Variants in ACE observed in about 807,000 individuals in gnomAD.
ACE encodes the protein angiotensin I converting enzyme.
In ACE, 122 loss-of-function variants were observed where a neutral mutation model predicts 162.3. That is an observed-to-expected ratio of 0.75 (90% CI 0.65 to 0.87). The LOEUF (loss-of-function observed/expected upper bound fraction) is 0.87. ACE is among the 40% of genes least tolerant of loss of function. ACE has a pLI of 0.00. For synonymous variants in ACE, 796 were observed against 720.6 expected (o/e 1.10, Z -1.68); for missense variants, 1,799 against 1,735.1 (o/e 1.04, Z -0.65).
At position 63,478,118 on chromosome 17, in the gene ACE, A is replaced by G; in HGVS notation, c.417+20A>G. On this transcript the variant is annotated intron_variant, in intron 2 of 24. Coordinates refer to ENST00000290866, the MANE Select transcript of ACE (RefSeq NM_000789.4). Reference sequence around the variant, plus strand: ...CAGCAGGTGGGCTGAGGGCTGAGGCAGAGCTCGGGGGCGGCCTCCTAGTGC... The same window carrying G: ...CAGCAGGTGGGCTGAGGGCTGAGGCGGAGCTCGGGGGCGGCCTCCTAGTGC... The G allele has an allele frequency of 4.5e-6, 7 of 1,565,060 alleles. No homozygotes were observed. Among genetic ancestry groups the G allele is most frequent in the Non-Finnish European group, 6.1e-6 (7 of 1,155,066 alleles).
chr17:63,497,720 A>C lies in ACE; in HGVS notation c.*354A>C. On this transcript the variant is annotated 3_prime_UTR_variant, in exon 25 of 25. Coordinates refer to ENST00000290866, the MANE Select transcript of ACE (RefSeq NM_000789.4). Reference sequence around the variant, plus strand: ...GTCCCGTTACTAGGTTTGTTCCTCCATCCTCCTTCAGGAGCCGGGGAGGAT... The same window carrying C: ...GTCCCGTTACTAGGTTTGTTCCTCCCTCCTCCTTCAGGAGCCGGGGAGGAT... 2.1e-6 allele frequency: 1 copy of C among 469,640 alleles called. No individual in the cohort carries two copies. The highest frequency in any genetic ancestry group is 4.0e-6 in the Non-Finnish European group (1 of 248,542). 29.1% of individuals were successfully genotyped at this position (469,640 alleles called of 1,614,324 possible). A position where few individuals can be genotyped will look rare whatever the true frequency, so the allele number is the denominator to read the frequency against.
At position 63,484,316 on chromosome 17, in the gene ACE, ACT is replaced by A. The variant is rs759548742; in HGVS notation, c.1710-11_1710-10del. ...TGAGTCCCCTGTGCCCATGGTACCC[ACT>A]CTGCCCACCAGGAAGGTGCTGCAGG... On this transcript the variant is annotated splice_polypyrimidine_tract_variant and intron_variant, in intron 11 of 24. Coordinates refer to ENST00000290866, the MANE Select transcript of ACE (RefSeq NM_000789.4). This position sits in a 1 kb window ranked among gnomAD's most constrained non-coding sequence, Gnocchi z 4.0. 1.9e-6 allele frequency: 3 copies of A among 1,607,222 alleles called. No homozygotes were observed. Among genetic ancestry groups the A allele is most frequent in the East Asian group, 4.5e-5 (2 of 44,742 alleles).
chr17:63,496,486 A>G lies in ACE; in HGVS notation c.3473A>G (p.Tyr1158Cys). 1 of 1,614,140 alleles carries G rather than the reference A, an allele frequency of 6.2e-7. No individual in the cohort carries two copies. The highest frequency in any genetic ancestry group is 8.5e-7 in the Non-Finnish European group (1 of 1,180,040). Residue 1158 changes from tyrosine to cysteine, a missense_variant, in exon 23 of 25, where the codon TAC becomes TGC. Tyr to Cys is a radical substitution (Grantham distance 194, BLOSUM62 -2). Coordinates refer to ENST00000290866, the MANE Select transcript of ACE (RefSeq NM_000789.4). The stretch of plus-strand genomic sequence containing the variant: ...GGCCCCCTGCACAAGTGTGACATCT[A>G]CCAGTCCAAGGAGGCCGGGCAGCGC... ...HTGPLHKCDI[Y>C]QSKEAGQRLA... is the part of the protein sequence containing the mutation.
At chr17:63,480,758 C>T (rs1314648584) in intron 5 of ACE, among the ~76,000 whole-genome samples, 2 of 152,206 alleles carry the variant, frequency 1.3e-5, no homozygotes, top group South Asian at 4.1e-4. Flanking sequence ...AGCTAGGGGC[C>T]AAACCAAAGG....
chr17:63,496,327 C>G (rs1349372551), intron 22 of ACE, 67 bp from the exon 23 acceptor site: 2 of 1,612,034 alleles, frequency 1.2e-6, no homozygotes, highest in African/African-American at 2.7e-5. Flanking sequence ...TGCAGAAGGG[C>G]CTGGGGCCCA....
chr17:63,481,833 C>A, intron 7 of ACE, 95 bp downstream of exon 7: 2 of 1,521,390 alleles, frequency 1.3e-6, no homozygotes, highest in Admixed American at 3.4e-5. Flanking sequence ...GTTCCCAGGC[C>A]TGCCTCTACC....
chr17:63,494,566 C>T (rs1215715449), intron 22 of ACE, 96 bp downstream of exon 22: 1 of 1,168,910 alleles, frequency 8.6e-7, no homozygotes, highest in Non-Finnish European at 1.3e-6. Context: ...CTCTGTCAGT[C>T]AGGGCAGACC....
chr17:63,484,340 C>T lies in ACE; in HGVS notation c.1720C>T (p.Gln574Ter). Residue 574 changes from glutamine (Q) to a stop codon, truncating the protein, a stop_gained, in exon 12 of 25, where the codon CAG (glutamine) becomes TAG (stop). Transcript: ENST00000290866. LOFTEE classifies it high-confidence loss of function. This position sits in a 1 kb window ranked among gnomAD's most constrained non-coding sequence, Gnocchi z 4.0. ...CACTCTGCCCACCAGGAAGGTGCTG[C>T]AGGCTGGCTCCTCCAGGCCCTGGCA... ...KAGAKLRKVLQAGSSRPWQEV... is the reference protein window; with the variant it reads ...KAGAKLRKVL 1.9e-6 allele frequency: 3 copies of T among 1,610,632 alleles called. No individual in the cohort carries two copies. Among genetic ancestry groups the T allele is most frequent in the Non-Finnish European group, 2.5e-6 (3 of 1,179,734 alleles).
Position 63,477,736 on chromosome 17 carries a change from T to A in ACE, c.250-195T>A, listed in dbSNP as rs1024809159. On this transcript the variant is annotated intron_variant, in intron 1 of 24. Coordinates refer to ENST00000290866, the MANE Select transcript of ACE (RefSeq NM_000789.4). ...TCTGGTCCCAATTTCTGCTCCACCATTCCCATGAGGCAGATTCCCTCCAGA... is the reference window on the plus strand; with the variant it reads ...TCTGGTCCCAATTTCTGCTCCACCAATCCCATGAGGCAGATTCCCTCCAGA... 4.3e-5 allele frequency: 28 copies of A among 658,262 alleles called. No individual in the cohort carries two copies. The African/African-American group carries it at 4.6e-4, about 11-fold the overall frequency. The allele number at this position is 658,262 out of a possible 1,614,324, so 40.8% of individuals were successfully genotyped here. A position where few individuals can be genotyped will look rare whatever the true frequency, so the allele number is the denominator to read the frequency against.
Position 63,491,813 on chromosome 17 carries a change from T to C in ACE, c.2912+432T>C, listed in dbSNP as rs576462852. ...AAGCTGCCTTCCTTGGAGGATGGCG[T>C]TTTAGTTACCTATTGCTGTGCAACC... On this transcript the variant is annotated intron_variant, in intron 19 of 24. Coordinates refer to ENST00000290866, the MANE Select transcript of ACE (RefSeq NM_000789.4). This position sits in a 1 kb window ranked among gnomAD's most constrained non-coding sequence, Gnocchi z 4.4. Among the ~76,000 whole-genome samples the C allele has an allele frequency of 3.9e-5, 6 of 152,116 alleles. No individual in the cohort carries two copies. The highest frequency in any genetic ancestry group is 8.8e-5 in the Non-Finnish European group (6 of 68,018).
At chr17:63,494,299 C>A in intron 21 of ACE, 73 bp from the exon 22 acceptor site, 1 of 1,460,666 alleles carries the variant, frequency 6.8e-7, no homozygotes, top group South Asian at 1.2e-5. Flanking sequence ...GGGACCCTCC[C>A]TCAAGTCAAA....
Position 63,493,483 on chromosome 17 carries a change from A to T in ACE, c.2960A>T (p.His987Leu). ...AACTTGGAGGACCTGGTGGTGGCCC[A>T]CCACGAAATGGGCCACATCCAGTAT... ...TVNLEDLVVA[H>L]HEMGHIQYFM... The change falls in exon 20 of 25, where the codon CAC (histidine) becomes CTC (leucine). Residue 987 changes from histidine (H) to leucine (L), a missense_variant. Transcript: ENST00000290866. 1.2e-6 allele frequency: 2 copies of T among 1,613,864 alleles called. No individual in the cohort carries two copies. The highest frequency in any genetic ancestry group is 1.7e-6 in the Non-Finnish European group (2 of 1,180,002).
chr17:63,483,577 C>CCCCCCCCCCCCCCCCCCCTT lies in ACE; in HGVS notation c.1586+19_1586+20insCCCCCCCCCCCCCCCCCCTT. 1.5e-6 allele frequency: 2 copies of CCCCCCCCCCCCCCCCCCCTT among 1,364,762 alleles called. No homozygotes were observed. The highest frequency in any genetic ancestry group is 2.0e-6 in the Non-Finnish European group (2 of 995,658). The allele number at this position is 1,364,762 out of a possible 1,614,324, so 84.5% of individuals were successfully genotyped here. Reference sequence around the variant, plus strand: ...ACATCAGGTATTAGCGCCCCCACCCCACCCACCCCCAGTACTGTCACACCC... The same window carrying CCCCCCCCCCCCCCCCCCCTT: ...ACATCAGGTATTAGCGCCCCCACCCCCCCCCCCCCCCCCCCCCCTTACCCACCCCCAGTACTGTCACACCC... On this transcript the variant is annotated intron_variant, in intron 10 of 24. Transcript: ENST00000290866.
chr17:63,496,286 G>A (rs905167690), intron 22 of ACE, 108 bp from the exon 23 acceptor site: 30 of 1,534,796 alleles, frequency 2.0e-5, no homozygotes, highest in African/African-American at 2.7e-5. Flanking sequence ...TCTGCTGTGC[G>A]CATGTGACTT....
rs1315737970 is a variant in ACE at position 63,484,205 on chromosome 17, G to T, written c.1710-125G>T. On this transcript the variant is annotated intron_variant, in intron 11 of 24. Coordinates refer to ENST00000290866, the MANE Select transcript of ACE (RefSeq NM_000789.4). The surrounding 1 kb of genome is among the most constrained non-coding windows in gnomAD (Gnocchi z 4.0). ...CATCAGAGAGATCCCAGGCCCCAGG[G>T]TCTTATTGCCACAGTTTCTGCAGTC... is the stretch of plus-strand genomic sequence containing the variant. 5 of 1,289,636 alleles carry T rather than the reference G, an allele frequency of 3.9e-6. No homozygotes were observed. The highest frequency in any genetic ancestry group is 2.0e-5 in the Admixed American group (1 of 50,354). 79.9% of individuals were successfully genotyped at this position (1,289,636 alleles called of 1,614,324 possible).
intron 6 of ACE, 147 bp downstream of exon 6, chr17:63,481,335 C>T: frequency 1.1e-6 from 1 of 920,932 alleles, no homozygotes. Context: ...GGGGTCGGCC[C>T]CCTCAGTGAG....
Position 63,491,078 on chromosome 17 carries a change from G to A in ACE, c.2739+27G>A, listed in dbSNP as rs763792961. 1.2e-6 allele frequency: 2 copies of A among 1,613,226 alleles called. No individual in the cohort carries two copies. Among genetic ancestry groups the A allele is most frequent in the Non-Finnish European group, 8.5e-7 (1 of 1,179,428 alleles). ...TCCGCACCAGCCCAGGGGCAGGGAG[G>A]CCCCGCCGGGATGGGAGGGACCCTC... is the stretch of plus-strand genomic sequence containing the variant. On this transcript the variant is annotated intron_variant, in intron 18 of 24. Coordinates refer to ENST00000290866, the MANE Select transcript of ACE (RefSeq NM_000789.4). This position sits in a 1 kb window ranked among gnomAD's most constrained non-coding sequence, Gnocchi z 4.4.
Position 63,491,278 on chromosome 17 carries a change from C to T in ACE, c.2809C>T (p.Pro937Ser). ...CACCTCCCTGGGGCTGCTGCCCGTG[C>T]CTCCTGAGTTCTGGAACAAGTCGAT... The part of the protein sequence containing the change: ...FFTSLGLLPV[P>S]PEFWNKSMLE... Residue 937 changes from proline (P) to serine (S), a missense_variant, in exon 19 of 25, where the codon CCT (proline) becomes TCT (serine). By Grantham distance (74) the Pro-to-Ser change is moderately conservative. Transcript: ENST00000290866. This position sits in a 1 kb window ranked among gnomAD's most constrained non-coding sequence, Gnocchi z 4.4. 1 of 1,614,146 alleles carries T rather than the reference C, an allele frequency of 6.2e-7. No homozygotes were observed. The highest frequency in any genetic ancestry group is 1.1e-5 in the South Asian group (1 of 91,082).
chr17:63,492,038 G>A (rs932319852), intron 19 of ACE, among the ~76,000 whole-genome samples: 3 of 152,300 alleles, frequency 2.0e-5, no homozygotes, highest in East Asian at 1.9e-4. Context: ...TGAGGTCCTC[G>A]GTTTTTCCCA....
Sources: gnomAD v4.1 joint callset for allele counts (sites outside exome capture counted in the v4.1 genomes callset) on GRCh38, gnomAD v4.1.1 for gene constraint, Gnocchi (gnomAD v3.1) non-coding constraint, MANE v1.5 for transcripts, NCBI Gene and HGNC (gene_info 2026-07-23, HGNC 2026-07-21) for gene names.